Variants in ALKBH1 observed in about 807,000 individuals in gnomAD.
ALKBH1 encodes alkB homolog 1, histone H2A dioxygenase.
ALKBH1 carries 31 observed loss-of-function variants against 36.6 expected under a neutral mutation model. The ratio of observed to expected loss-of-function variants is 0.85; its 90% CI spans 0.64 to 1.14. The LOEUF (loss-of-function observed/expected upper bound fraction) is 1.14. ALKBH1 is among the 50% of genes most tolerant of loss of function. The probability of loss-of-function intolerance (pLI) is 0.00; values close to 1 mark genes in which losing one functional copy is unlikely to be tolerated. For missense variants in ALKBH1, 490 were observed against 497.3 expected (o/e 0.99, Z 0.14); for synonymous variants, 183 against 186.6 (o/e 0.98, Z 0.16).
At chr14:77,695,251 C>T (rs2080320945) in intron 2 of ALKBH1, among the ~76,000 whole-genome samples, 1 of 152,316 alleles carries the variant, frequency 6.6e-6, no homozygotes, top group Middle Eastern at 3.4e-3. Context: ...TTATTACAGG[C>T]ATGATTACAC....
chr14:77,696,639 G>A (rs964030595), intron 2 of ALKBH1: 1 of 152,374 alleles, frequency 6.6e-6, no homozygotes, highest in African/African-American at 2.4e-5. Flanking sequence ...TTGGCTGCGA[G>A]GGAGCTACCT....
At chr14:77,691,529 C>T (rs2080297116) in intron 3 of ALKBH1, among the ~76,000 whole-genome samples, 1 of 152,134 alleles carries the variant, frequency 6.6e-6, no homozygotes, top group Non-Finnish European at 1.5e-5. Flanking sequence ...CTTATCCAGT[C>T]CAATACCTTC....
chr14:77,690,504 T>G (rs1475637313), intron 3 of ALKBH1, among the ~76,000 whole-genome samples: 1 of 152,182 alleles, frequency 6.6e-6, no homozygotes, highest in Non-Finnish European at 1.5e-5. Context: ...GTTTGTGCTA[T>G]GAAGGGAGGC....
intron 4 of ALKBH1, among the ~76,000 whole-genome samples, chr14:77,679,425 GGA>G (rs1180462105): frequency 1.3e-5 from 2 of 151,966 alleles, no homozygotes; most frequent in Non-Finnish European, 2.9e-5. Flanking sequence ...AGATACCTGA[GGA>G]GAGATTTTTT....
intron 3 of ALKBH1, among the ~76,000 whole-genome samples, chr14:77,692,547 CAG>C (rs2080303090): frequency 6.6e-6 from 1 of 152,178 alleles, no homozygotes; most frequent in South Asian, 2.1e-4. Context: ...GCTGATCTGA[CAG>C]GGGGCGAAGC....
chr14:77,679,807 A>G (rs2080226837), intron 4 of ALKBH1, 73 bp downstream of exon 4: 1 of 1,101,752 alleles, frequency 9.1e-7, no homozygotes, highest in Admixed American at 2.0e-5. Flanking sequence ...AAGCGTGGTT[A>G]GGAAGAAATA....
rs550197169 is a variant in ALKBH1 at position 77,686,708 on chromosome 14, C to G, written c.456-6738G>C. ...GCGTGATCTCGGCTCACTGCAACCT[C>G]CGCCTCCTGGGTTCAAGTGATTCTC... On this transcript the variant is annotated intron_variant, in intron 3 of 5. Coordinates refer to ENST00000216489, the MANE Select transcript of ALKBH1 (RefSeq NM_006020.3). Among the ~76,000 whole-genome samples the G allele has an allele frequency of 2.9e-3, 444 of 152,338 alleles. 1 individual carries two copies. Among genetic ancestry groups the G allele is most frequent in the Admixed American group, 4.9e-3 (75 of 15,300 alleles).
At chr14:77,688,646 G>A (rs7152638) in intron 3 of ALKBH1, among the ~76,000 whole-genome samples, 18,499 of 150,370 alleles carry the variant, frequency 0.12, 1,467 homozygotes, top group African/African-American at 0.22. Context: ...TCCACCTGCC[G>A]GGTTCAAGCG....
chr14:77,682,220 GA>G (rs1235801773), intron 3 of ALKBH1, among the ~76,000 whole-genome samples: 1 of 151,932 alleles, frequency 6.6e-6, no homozygotes, highest in Non-Finnish European at 1.5e-5. Flanking sequence ...ACTGAAATAT[GA>G]AAAAAATGTA....
chr14:77,698,460 A>T (rs2080341105), intron 2 of ALKBH1, among the ~76,000 whole-genome samples: 1 of 152,240 alleles, frequency 6.6e-6, no homozygotes, highest in Non-Finnish European at 1.5e-5. Flanking sequence ...CAATAAGATA[A>T]ATAGCAAGGT....
chr14:77,694,697 G>A, intron 3 of ALKBH1, 41 bp downstream of exon 3: 1 of 1,481,008 alleles, frequency 6.8e-7, no homozygotes, highest in Non-Finnish European at 9.0e-7. Flanking sequence ...GTGATGATCT[G>A]AGCTGAGTAT....
At chr14:77,705,988 G>C (rs1253124025) in intron 1 of ALKBH1, among the ~76,000 whole-genome samples, 1 of 152,090 alleles carries the variant, frequency 6.6e-6, no homozygotes, top group Non-Finnish European at 1.5e-5. Flanking sequence ...CTAGGAGATG[G>C]AGGTTGCAGT....
chr14:77,695,269 T>C (rs2139859570), intron 2 of ALKBH1, among the ~76,000 whole-genome samples: 1 of 152,362 alleles, frequency 6.6e-6, no homozygotes, highest in East Asian at 1.9e-4. Flanking sequence ...CACGAAATCT[T>C]ATAATGAATT....
At chr14:77,698,961 C>T (rs563466646) in intron 2 of ALKBH1, among the ~76,000 whole-genome samples, 3 of 152,284 alleles carry the variant, frequency 2.0e-5, no homozygotes, top group East Asian at 1.9e-4. Context: ...TTAGTAGAGA[C>T]GGCATTTTGC....
chr14:77,695,486 G>C (rs2080321933), intron 2 of ALKBH1, among the ~76,000 whole-genome samples: 1 of 152,190 alleles, frequency 6.6e-6, no homozygotes, highest in African/African-American at 2.4e-5. Context: ...GAGGGCGGAA[G>C]TTGGTTCTAA....
At chr14:77,684,547 G>T (rs1160137860) in intron 3 of ALKBH1, among the ~76,000 whole-genome samples, 1 of 152,034 alleles carries the variant, frequency 6.6e-6, no homozygotes, top group African/African-American at 2.4e-5. Context: ...TTTTAGTAGA[G>T]ATGAGGTTTC....
rs1218175566 is a variant in ALKBH1, at chr14:77,683,465, C to G, written c.456-3495G>C. 10 of 732,332 alleles carry G rather than the reference C, an allele frequency of 1.4e-5. No individual in the cohort carries two copies. The East Asian group carries it at 2.5e-4, about 19-fold the overall frequency. 45.4% of individuals were successfully genotyped at this position (732,332 alleles called of 1,614,324 possible). On this transcript the variant is annotated intron_variant, in intron 3 of 5. Transcript: ENST00000216489. ...ACTTACTTGTTCACAACAATGCTAA[C>G]AGCATGCTGGGGAACACTGTAGACT...
intron 2 of ALKBH1, among the ~76,000 whole-genome samples, chr14:77,701,323 C>T (rs545664572): frequency 6.2e-4 from 95 of 152,222 alleles, no homozygotes; most frequent in African/African-American, 2.2e-3. Context: ...TTTTTATATA[C>T]ATTTTACATA....
chr14:77,674,001 C>G lies in ALKBH1; in HGVS notation c.981G>C (p.Trp327Cys). ...TCTTCAAGTAGCTGGCACACACCTG[C>G]CAGTCCTCCATAGAACAAGGCTCTA... ...SMVEPCSMED[W>C]QVCASYLKTA... The change falls in exon 6 of 6, where the codon TGG (tryptophan) becomes TGC (cysteine). Residue 327 changes from tryptophan to cysteine, a missense_variant. Physicochemically the swap from Trp to Cys is radical, Grantham distance 215. Coordinates refer to ENST00000216489, the MANE Select transcript of ALKBH1 (RefSeq NM_006020.3). The G allele has an allele frequency of 3.7e-6, 6 of 1,614,194 alleles. No individual in the cohort carries two copies. The highest frequency in any genetic ancestry group is 5.1e-6 in the Non-Finnish European group (6 of 1,180,032).
Sources: allele counts gnomAD v4.1 joint callset (sites outside exome capture counted in the v4.1 genomes callset), GRCh38; gene constraint gnomAD v4.1.1; transcripts MANE v1.5; gene names NCBI Gene and HGNC (gene_info 2026-07-23, HGNC 2026-07-21).